MAP3K1: variants seen among roughly 807,000 people sequenced by gnomAD.
MAP3K1 encodes the protein mitogen-activated protein kinase kinase kinase 1, also known as MAP/ERK kinase kinase 1.
MAP3K1 carries 36 observed loss-of-function variants against 144.2 expected under a neutral mutation model. The observed-to-expected ratio is 0.25, with a 90% CI of 0.19 to 0.33. MAP3K1 has a LOEUF of 0.33. Ranked by LOEUF, MAP3K1 falls within the 10% of genes least tolerant of loss-of-function variation. The pLI is 1.00. For synonymous variants in MAP3K1, 718 were observed against 688.7 expected, an observed-to-expected ratio of 1.04 and a Z score of -0.67; for missense variants, 1,650 against 1,881.9, an observed-to-expected ratio of 0.88 and a Z score of 2.28.
In MAP3K1 at chr5:56,859,594, G is replaced by A. The variant is rs1747441367; in HGVS notation, c.634-121G>A. The A allele has an allele frequency of 4.3e-6, 3 of 695,014 alleles. No individual in the cohort carries two copies. In the South Asian group the frequency reaches 5.4e-5, roughly 12 times the overall value. 43.1% of individuals were successfully genotyped at this position (695,014 alleles called of 1,614,324 possible). On this transcript the variant is annotated intron_variant, in intron 2 of 19. Transcript: ENST00000399503. ...ATAATAAAAGTTGATATATTGTCTGGTATACTGGTATAATATTTCATAACA... is the reference window on the plus strand; with the variant it reads ...ATAATAAAAGTTGATATATTGTCTGATATACTGGTATAATATTTCATAACA...
intron 17 of MAP3K1, 34 bp from the exon 18 acceptor site, chr5:56,887,344 A>G (rs779660762): frequency 6.1e-5 from 99 of 1,612,444 alleles, no homozygotes; most frequent in Middle Eastern, 1.7e-4. Flanking sequence ...TTTTGTTTTT[A>G]ACATACAAGG....
At chr5:56,891,780 C>G (rs914265111) in intron 19 of MAP3K1, among the ~76,000 whole-genome samples, 1 of 152,110 alleles carries the variant, frequency 6.6e-6, no homozygotes, top group African/African-American at 2.4e-5. Context: ...AGAACCATTT[C>G]TTAAATAGGG....
At chr5:56,884,152 A>T (rs374118622) in intron 15 of MAP3K1, among the ~76,000 whole-genome samples, 3 of 152,172 alleles carry the variant, frequency 2.0e-5, no homozygotes, top group Non-Finnish European at 2.9e-5. Context: ...GTCTCAAAAA[A>T]AAATAAATAA....
At position 56,815,565 on chromosome 5, in the gene MAP3K1, C is replaced by A; in HGVS notation, c.-9C>A. ...GCAGGGGCCGAGCGAATGTAGCCCG[C>A]GAGAGAAAATGGCGGCGGCGGCGGG... is the stretch of plus-strand genomic sequence containing the variant. On this transcript the variant is annotated 5_prime_UTR_variant, in exon 1 of 20. Coordinates refer to ENST00000399503, the MANE Select transcript of MAP3K1 (RefSeq NM_005921.2). The A allele has an allele frequency of 1.5e-6, 2 of 1,301,324 alleles. No individual in the cohort carries two copies. The highest frequency in any genetic ancestry group is 4.4e-5 in the South Asian group (2 of 45,444). The allele number at this position is 1,301,324 out of a possible 1,614,324, so 80.6% of individuals were successfully genotyped here.
intron 1 of MAP3K1, among the ~76,000 whole-genome samples, chr5:56,826,026 G>A (rs1746302146): frequency 6.6e-6 from 1 of 151,338 alleles, no homozygotes; most frequent in Admixed American, 6.6e-5. Context: ...AGAAGTATTG[G>A]CATGAATACA....
At position 56,832,267 on chromosome 5, in the gene MAP3K1, C is replaced by T. The variant is rs558849957; in HGVS notation, c.482+16212C>T. On this transcript the variant is annotated intron_variant, in intron 1 of 19. Coordinates refer to ENST00000399503, the MANE Select transcript of MAP3K1 (RefSeq NM_005921.2). ...AGCATTTTAGAATTCGGAAGGACAA[C>T]CTCCTGACTCTAAGCAGTAAAAGTG... Among the ~76,000 whole-genome samples the T allele has an allele frequency of 1.2e-4, 19 of 152,286 alleles. 1 individual carries two copies. The South Asian group carries it at 3.7e-3, about 30-fold the overall frequency.
intron 1 of MAP3K1, among the ~76,000 whole-genome samples, chr5:56,831,159 C>T (rs1746478032): frequency 6.7e-6 from 1 of 149,488 alleles, no homozygotes; most frequent in Admixed American, 6.7e-5. Context: ...TTTTTTTAAC[C>T]CGTGAAAATG....
intron 1 of MAP3K1, among the ~76,000 whole-genome samples, chr5:56,818,378 TAA>T (rs1396965392): frequency 6.6e-6 from 1 of 152,178 alleles, no homozygotes; most frequent in African/African-American, 2.4e-5. Context: ...TTTTGACAGT[TAA>T]GTTACATTCA....
chr5:56,820,852 G>A (rs1437598179), intron 1 of MAP3K1: 1 of 936,464 alleles, frequency 1.1e-6, no homozygotes, highest in Non-Finnish European at 1.3e-6. Flanking sequence ...ACAATACCGT[G>A]TTAAGTGCTA....
chr5:56,886,158 C>G, intron 17 of MAP3K1, 95 bp downstream of exon 17: 1 of 1,004,068 alleles, frequency 1.0e-6, no homozygotes, highest in Non-Finnish European at 1.5e-6. Flanking sequence ...AATCCCAGTA[C>G]TTTGGGAGGT....
chr5:56,849,350 C>T (rs1436929341), intron 1 of MAP3K1, among the ~76,000 whole-genome samples: 87 of 68,094 alleles, frequency 1.3e-3, no homozygotes, highest in African/African-American at 3.0e-3. Context: ...CCCTCTCTGT[C>T]TTTAAAAAAA....
intron 1 of MAP3K1, among the ~76,000 whole-genome samples, chr5:56,824,456 C>T (rs997236623): frequency 6.6e-6 from 1 of 152,198 alleles, no homozygotes; most frequent in Non-Finnish European, 1.5e-5. Flanking sequence ...GGTGTGAGTC[C>T]TGCAAGAGGC....
chr5:56,820,620 TAAGTG>T lies in MAP3K1; in HGVS notation c.482+4568_482+4572del, dbSNP rs979780163. ...TATTGATTTGTGCTGTATTAAATCA[TAAGTG>T]AAAGGAGATAAGCTGAAATTAATAT... On this transcript the variant is annotated intron_variant, in intron 1 of 19. Transcript: ENST00000399503. 3 of 984,692 alleles carry T rather than the reference TAAGTG, an allele frequency of 3.0e-6. No homozygotes were observed. In the African/African-American group the frequency reaches 5.2e-5, roughly 17 times the overall value. 61.0% of individuals were successfully genotyped at this position (984,692 alleles called of 1,614,324 possible).
At chr5:56,818,732 A>G (rs1746061549) in intron 1 of MAP3K1, among the ~76,000 whole-genome samples, 1 of 152,202 alleles carries the variant, frequency 6.6e-6, no homozygotes, top group South Asian at 2.1e-4. Flanking sequence ...TTTGGTAGAT[A>G]TAATTACCCC....
At chr5:56,841,323 TAG>T (rs1329326927) in intron 1 of MAP3K1, among the ~76,000 whole-genome samples, 1 of 152,178 alleles carries the variant, frequency 6.6e-6, no homozygotes, top group African/African-American at 2.4e-5. Context: ...AGAGCTTTGA[TAG>T]AGTCTTATAC....
At chr5:56,850,078 A>G (rs559688391) in intron 1 of MAP3K1, among the ~76,000 whole-genome samples, 2 of 152,182 alleles carry the variant, frequency 1.3e-5, no homozygotes, top group African/African-American at 2.4e-5. Flanking sequence ...TGCTCTCCCT[A>G]TCCTCAGTTT....
chr5:56,873,154 CT>C, intron 9 of MAP3K1, 149 bp downstream of exon 9: 1 of 748,286 alleles, frequency 1.3e-6, no homozygotes, highest in Non-Finnish European at 2.2e-6. Context: ...TTTAATGTTA[CT>C]TTTGGTATTA....
chr5:56,891,855 G>T (rs1280573684), intron 19 of MAP3K1, among the ~76,000 whole-genome samples: 1 of 152,012 alleles, frequency 6.6e-6, no homozygotes, highest in Non-Finnish European at 1.5e-5. Context: ...AGATGTGTGG[G>T]ATTATTTCTG....
chr5:56,839,023 C>G (rs547857992), intron 1 of MAP3K1, among the ~76,000 whole-genome samples: 1 of 152,116 alleles, frequency 6.6e-6, no homozygotes, highest in Non-Finnish European at 1.5e-5. Flanking sequence ...CTTCGTTTTC[C>G]TAGGGAATAA....
Sources: gnomAD v4.1 joint callset for allele counts (sites outside exome capture counted in the v4.1 genomes callset) on GRCh38, gnomAD v4.1.1 for gene constraint, MANE v1.5 for transcripts, NCBI Gene and HGNC (gene_info 2026-07-23, HGNC 2026-07-21) for gene names.